The following TMC6 variants were observed in gnomAD, a reference collection of about 807,000 sequenced individuals.
TMC6 encodes the protein transmembrane channel like 6, also known as transmembrane channel-like protein 6.
TMC6 carries 71 observed loss-of-function variants against 95.4 expected under a neutral mutation model. That is an observed-to-expected ratio of 0.74 (90% CI 0.61 to 0.91). TMC6 has a LOEUF of 0.91. TMC6 is among the 40% of genes least tolerant of loss of function. The pLI is 0.00. For missense variants in TMC6, 1,074 were observed against 1,079.1 expected (o/e 1.00, Z 0.07); for synonymous variants, 514 against 483.1 (o/e 1.06, Z -0.84).
upstream of TMC6, chr17:78,131,900 G>T: frequency 6.8e-7 from 1 of 1,472,414 alleles, no homozygotes. Flanking sequence ...GGGAGCCCGC[G>T]GGGGTGCAGA....
chr17:78,131,749 G>A (rs564496559), upstream of TMC6: 2 of 1,575,996 alleles, frequency 1.3e-6, no homozygotes, highest in East Asian at 2.3e-5. Flanking sequence ...TGGGTGCCAC[G>A]CGGGCGCCAG....
Position 78,127,262 on chromosome 17 carries a change from C to T in TMC6, c.-74-356G>A, listed in dbSNP as rs151070561. On this transcript the variant is annotated intron_variant, in intron 1 of 19. Transcript: ENST00000590602. The stretch of plus-strand genomic sequence containing the variant: ...TGCCCAGGGTTCTGGCACAGAGACA[C>T]CTCCTTTTTGGAGAGAAAGGTCAGA... Among the ~76,000 whole-genome samples the T allele has an allele frequency of 1.6e-4, 24 of 152,274 alleles. No homozygotes were observed. In the East Asian group the frequency reaches 4.6e-3, roughly 29 times the overall value.
chr17:78,126,415 A>G, intron 3 of TMC6, 49 bp from the exon 4 acceptor site: 2 of 1,604,264 alleles, frequency 1.2e-6, no homozygotes, highest in Non-Finnish European at 1.7e-6. Context: ...GCCATTGGCC[A>G]CAGTATCTCC....
In TMC6 at chr17:78,119,419, G is replaced by C. The variant is rs771641726; in HGVS notation, c.1716-27C>G. 2.5e-6 allele frequency: 4 copies of C among 1,612,574 alleles called. 1 individual carries two copies. The South Asian group carries it at 4.4e-5, about 18-fold the overall frequency. ...TGCCTCCGAGGACCCCGGATCGTTA[G>C]ATGGGAAAGCCATGCCCAGGGAGGC... On this transcript the variant is annotated intron_variant, in intron 13 of 19. Coordinates refer to ENST00000590602, the MANE Select transcript of TMC6 (RefSeq NM_001127198.5).
chr17:78,123,316 T>C (rs138084552), intron 9 of TMC6, among the ~76,000 whole-genome samples: 7 of 152,338 alleles, frequency 4.6e-5, no homozygotes, highest in African/African-American at 7.2e-5. Flanking sequence ...CAGAGAATGT[T>C]TGTGGAATAC....
At chr17:78,126,392 G>C (rs2074719187) in intron 3 of TMC6, 26 bp from the exon 4 acceptor site, 1 of 1,600,222 alleles carries the variant, frequency 6.2e-7, no homozygotes, top group Non-Finnish European at 8.5e-7. Context: ...GACTCACCAG[G>C]GGTCCTGGAG....
rs1230426023 is a variant in TMC6 at position 78,117,366 on chromosome 17, CGGGCAGGGCCCA to C, written c.2199-31_2199-20del. 5 of 1,612,826 alleles carry C rather than the reference CGGGCAGGGCCCA, an allele frequency of 3.1e-6. No homozygotes were observed. The highest frequency in any genetic ancestry group is 1.3e-5 in the African/African-American group (1 of 74,912). ...CACGGCCCTGCGGGAGAGGGGCTGTCGGGCAGGGCCCAGGGCCACAGCCCGGGAGCGGCCAGT... is the reference window on the plus strand; with the variant it reads ...CACGGCCCTGCGGGAGAGGGGCTGTCGGGCCACAGCCCGGGAGCGGCCAGT... On this transcript the variant is annotated intron_variant, in intron 17 of 19. Coordinates refer to ENST00000590602, the MANE Select transcript of TMC6 (RefSeq NM_001127198.5).
rs114551217 is a variant in TMC6, at chr17:78,116,614, G to A, written c.2277+655C>T. Among the ~76,000 whole-genome samples, 13 of 152,182 alleles carry A rather than the reference G, an allele frequency of 8.5e-5. No individual in the cohort carries two copies. The East Asian group carries it at 9.8e-4, about 11-fold the overall frequency. On this transcript the variant is annotated intron_variant, in intron 18 of 19. Coordinates refer to ENST00000590602, the MANE Select transcript of TMC6 (RefSeq NM_001127198.5). ...TCATAAAAATGTTTTGGCCAGGCAC[G>A]GTGGCTCATGCCTATAATCCTAGCA... is the stretch of plus-strand genomic sequence containing the variant.
At chr17:78,116,276 CTTTTTT>C (rs34774395) in intron 18 of TMC6, among the ~76,000 whole-genome samples, 131 of 125,446 alleles carry the variant, frequency 1.0e-3, no homozygotes, top group Non-Finnish European at 1.7e-3. Context: ...CATGCCCAGG[CTTTTTT>C]TTTTTTTTTT....
chr17:78,127,960 G>A (rs1015312073), intron 1 of TMC6, among the ~76,000 whole-genome samples: 5 of 152,172 alleles, frequency 3.3e-5, no homozygotes, highest in Non-Finnish European at 7.3e-5. Context: ...AGCCTAACAC[G>A]GGACAGCTGC....
chr17:78,122,631 G>C lies in TMC6; in HGVS notation c.1201C>G (p.Gln401Glu), dbSNP rs372848035. The C allele has an allele frequency of 1.9e-6, 3 of 1,611,772 alleles. No homozygotes were observed. The African/African-American group carries it at 4.0e-5, about 21-fold the overall frequency. ...VTQKRASRLQ[Q>E]DNIRTRLKEL... ...TTCAGCCGGGTGCGAATATTGTCCT[G>C]CTGGAGGCGGGAGGCCCGCTTCTGC... The change falls in exon 10 of 20, where the codon CAG becomes GAG. Residue 401 changes from glutamine to glutamate, a missense_variant. Physicochemically the swap from Gln to Glu is conservative, Grantham distance 29. Transcript: ENST00000590602. This position sits in a 1 kb window ranked among gnomAD's most constrained non-coding sequence, Gnocchi z 4.9.
intron 15 of TMC6, chr17:78,118,285 G>C (rs932379082): frequency 2.6e-6 from 1 of 384,954 alleles, no homozygotes; most frequent in East Asian, 6.1e-5. Flanking sequence ...GGCCAGGTGC[G>C]GTGGCTCATG....
At position 78,112,950 on chromosome 17, in the gene TMC6, T is replaced by G. The variant is rs994024949; in HGVS notation, c.*198A>C. On this transcript the variant is annotated 3_prime_UTR_variant, in exon 20 of 20. Transcript: ENST00000590602. ...GCAAAACCCCTTTAATCAGAATAAA[T>G]AGAGTCCCAGGCAGGGCAGAGTTCA... The G allele has an allele frequency of 1.9e-5, 12 of 629,092 alleles. No individual in the cohort carries two copies. Among genetic ancestry groups the G allele is most frequent in the Non-Finnish European group, 3.4e-5 (12 of 356,304 alleles). The allele number at this position is 629,092 out of a possible 1,614,324, so 39.0% of individuals were successfully genotyped here. A position where few individuals can be genotyped will look rare whatever the true frequency, so the allele number is the denominator to read the frequency against.
At position 78,107,762 on chromosome 17, in the gene TMC6, G is replaced by A. The variant is rs538921857; in HGVS notation, c.*5386C>T. Reference sequence around the variant, plus strand: ...TCTGGTAACTTCTGTTGTCTGGGACGGCAGCAAGAAGATGCCGGGGCTTGC... The same window carrying A: ...TCTGGTAACTTCTGTTGTCTGGGACAGCAGCAAGAAGATGCCGGGGCTTGC... On this transcript the variant is annotated 3_prime_UTR_variant, in exon 20 of 20. Coordinates refer to ENST00000590602, the MANE Select transcript of TMC6 (RefSeq NM_001127198.5). 18 of 152,242 alleles carry A rather than the reference G, an allele frequency of 1.2e-4. No homozygotes were observed. Among genetic ancestry groups the A allele is most frequent in the African/African-American group, 3.1e-4 (13 of 41,456 alleles). 9.4% of individuals were successfully genotyped at this position (152,242 alleles called of 1,614,324 possible). A position where few individuals can be genotyped will look rare whatever the true frequency, so the allele number is the denominator to read the frequency against.
rs947791999 is a variant in TMC6 at position 78,113,133 on chromosome 17, C to A, written c.*15G>T. ...CAGGGTGCTGGGCGGGCCCGTGAGG[C>A]CCATCGCCGTCCCCCTAGGCATCCT... On this transcript the variant is annotated 3_prime_UTR_variant, in exon 20 of 20. Transcript: ENST00000590602. The A allele has an allele frequency of 1.3e-6, 2 of 1,551,538 alleles. No individual in the cohort carries two copies. Among genetic ancestry groups the A allele is most frequent in the East Asian group, 2.4e-5 (1 of 41,252 alleles).
In TMC6 at chr17:78,111,512, G is replaced by C. The variant is rs1055899043; in HGVS notation, c.*1636C>G. ...TCACGTCACTTTCTGGACTGCCCAC[G>C]CAGCTTCACCCAGCAGCACTCGCAC... On this transcript the variant is annotated 3_prime_UTR_variant, in exon 20 of 20. Transcript: ENST00000590602. 1 of 152,468 alleles carries C rather than the reference G, an allele frequency of 6.6e-6. No homozygotes were observed. The highest frequency in any genetic ancestry group is 1.5e-5 in the Non-Finnish European group (1 of 68,228). The allele number at this position is 152,468 out of a possible 1,614,324, so 9.4% of individuals were successfully genotyped here. A position where few individuals can be genotyped will look rare whatever the true frequency, so the allele number is the denominator to read the frequency against.
intron 18 of TMC6, among the ~76,000 whole-genome samples, chr17:78,115,475 C>T (rs1403899689): frequency 6.6e-6 from 1 of 152,158 alleles, no homozygotes; most frequent in Non-Finnish European, 1.5e-5. Flanking sequence ...CCTGGAAAAG[C>T]CACAGGACCT....
At chr17:78,131,729 C>T (rs201039625), upstream of TMC6, 23 of 1,583,902 alleles carry the variant, frequency 1.5e-5, no homozygotes, top group Admixed American at 3.6e-5. Context: ...TGGACAAGCG[C>T]CTCATCTGGT....
chr17:78,124,741 T>C lies in TMC6; in HGVS notation c.674A>G (p.Gln225Arg). The C allele has an allele frequency of 6.3e-7, 1 of 1,586,908 alleles. No individual in the cohort carries two copies. Among genetic ancestry groups the C allele is most frequent in the South Asian group, 1.1e-5 (1 of 88,036 alleles). Residue 225 changes from glutamine (Q) to arginine (R), a missense_variant, in exon 8 of 20, where the codon CAG becomes CGG. By Grantham distance (43) the Gln-to-Arg change is conservative. Transcript: ENST00000590602. ...GGCGTAGCGCCACGGCATCAGGGCC[T>C]GCAGGGCGGAGAGCAGCGCCAGGCC... Reference protein sequence around the residue: ...SLGLALLSALQALMPWRYALK... With the variant: ...SLGLALLSALRALMPWRYALK...
Sources: allele counts gnomAD v4.1 joint callset (sites outside exome capture counted in the v4.1 genomes callset), GRCh38; gene constraint gnomAD v4.1.1; non-coding constraint Gnocchi (gnomAD v3.1); transcripts MANE v1.5; gene names NCBI Gene and HGNC (gene_info 2026-07-23, HGNC 2026-07-21).